TRIO: variants seen among roughly 807,000 people sequenced by gnomAD.
TRIO encodes the protein trio Rho guanine nucleotide exchange factor, also known as triple functional domain protein.
TRIO carries 58 observed loss-of-function variants against 351.9 expected under a neutral mutation model. That is an observed-to-expected ratio of 0.16 (90% CI 0.13 to 0.21). The LOEUF is 0.21. Ranked by LOEUF, TRIO falls within the 10% of genes least tolerant of loss-of-function variation. The pLI, the probability that TRIO is intolerant of heterozygous loss-of-function variation, is 1.00. For missense variants in TRIO, 3,201 were observed against 4,027.8 expected (o/e 0.79, Z 5.56); for synonymous variants, 1,758 against 1,595.7 (o/e 1.10, Z -2.42).
At chr5:14,395,369 T>C (rs16903467) in intron 28 of TRIO, among the ~76,000 whole-genome samples, 5,281 of 152,332 alleles carry the variant, frequency 0.035, 328 homozygotes, top group African/African-American at 0.12. Flanking sequence ...CAAAGGCAGT[T>C]TACCTTTCAG....
At chr5:14,238,770 G>A (rs115255120) in intron 1 of TRIO, among the ~76,000 whole-genome samples, 2,128 of 152,288 alleles carry the variant, frequency 0.014, 34 homozygotes, top group African/African-American at 0.048. Flanking sequence ...GGTGGGGGGT[G>A]CAACTAAAAT....
rs1744428902 is a variant in TRIO at position 14,364,525 on chromosome 5, A to G, written c.2588-125A>G. On this transcript the variant is annotated intron_variant, in intron 14 of 56. Coordinates refer to ENST00000344204, the MANE Select transcript of TRIO (RefSeq NM_007118.4). The stretch of plus-strand genomic sequence containing the variant: ...TTTGCCCTCCTTGAACTTGCCCTTC[A>G]GCATAATGGCTTGGCCCCCAGCTGG... The G allele has an allele frequency of 2.5e-6, 3 of 1,200,018 alleles. No individual in the cohort carries two copies. In the South Asian group the frequency reaches 4.5e-5, roughly 18 times the overall value. The allele number at this position is 1,200,018 out of a possible 1,614,324, so 74.3% of individuals were successfully genotyped here.
rs1202647795 is a variant in TRIO at position 14,472,661 on chromosome 5, G to A, written c.5979+3G>A. 1.9e-6 allele frequency: 3 copies of A among 1,613,526 alleles called. No homozygotes were observed. The highest frequency in any genetic ancestry group is 4.5e-5 in the East Asian group (2 of 44,876). On this transcript the variant is annotated splice_donor_region_variant and intron_variant, in intron 39 of 56. Transcript: ENST00000344204. ...GGGACCTTGGCTATGTGGTTGAGGT[G>A]TGTATTGCCAGAAATTTAGTATCTT... is the stretch of plus-strand genomic sequence containing the variant.
chr5:14,480,035 C>A (rs764710444), intron 43 of TRIO, 24 bp downstream of exon 43: 6 of 1,609,596 alleles, frequency 3.7e-6, no homozygotes, highest in Non-Finnish European at 4.3e-6. Context: ...GGGACAAACT[C>A]TGGTGTCAGG....
chr5:14,368,061 C>T (rs970659381), intron 16 of TRIO, among the ~76,000 whole-genome samples: 1 of 152,214 alleles, frequency 6.6e-6, no homozygotes, highest in Non-Finnish European at 1.5e-5. Context: ...CTTGGCTCTA[C>T]GGCCTCACTG....
intron 1 of TRIO, among the ~76,000 whole-genome samples, chr5:14,165,189 T>C (rs1581257469): frequency 2.6e-5 from 4 of 152,354 alleles, no homozygotes; most frequent in Admixed American, 2.6e-4. Context: ...AGAATATTGC[T>C]TGATGCTAAG....
At chr5:14,507,764 G>C (rs1033286512) in intron 56 of TRIO, 116 bp from the exon 57 acceptor site, 118 of 1,323,438 alleles carry the variant, frequency 8.9e-5, no homozygotes, top group Non-Finnish European at 3.2e-5. Context: ...CACATGCATG[G>C]CTTGTCCTAG....
chr5:14,402,943 C>G (rs1451760414), intron 31 of TRIO, among the ~76,000 whole-genome samples: 1 of 150,026 alleles, frequency 6.7e-6, no homozygotes, highest in Non-Finnish European at 1.5e-5. Context: ...GTGGTGAGAG[C>G]GTAGATGGAG....
intron 33 of TRIO, among the ~76,000 whole-genome samples, chr5:14,415,364 C>G (rs958948654): frequency 6.6e-5 from 10 of 152,144 alleles, no homozygotes; most frequent in African/African-American, 2.2e-4. Context: ...CAGAACTCAT[C>G]GCAGAGCTTG....
intron 41 of TRIO, among the ~76,000 whole-genome samples, chr5:14,477,603 C>T (rs898924386): frequency 2.0e-5 from 3 of 152,150 alleles, no homozygotes; most frequent in African/African-American, 7.2e-5. Flanking sequence ...AGACACTATA[C>T]CAAAAACTTG....
intron 37 of TRIO, among the ~76,000 whole-genome samples, chr5:14,469,779 T>A (rs1408459163): frequency 1.3e-5 from 2 of 152,230 alleles, no homozygotes; most frequent in Non-Finnish European, 2.9e-5. Context: ...GGGGACTCCA[T>A]TGTTGCAGGT....
chr5:14,291,643 G>T (rs921328540), intron 5 of TRIO, among the ~76,000 whole-genome samples: 1 of 151,718 alleles, frequency 6.6e-6, no homozygotes, highest in Non-Finnish European at 1.5e-5. Context: ...ACGAAAATTA[G>T]CCGGGTGTGG....
chr5:14,244,908 C>G (rs1045457807), intron 1 of TRIO, among the ~76,000 whole-genome samples: 23 of 152,080 alleles, frequency 1.5e-4, no homozygotes, highest in African/African-American at 5.3e-4. Flanking sequence ...AGGGGGTGGG[C>G]TGCAAGGGCA....
chr5:14,416,485 G>T (rs1264470106), intron 33 of TRIO, among the ~76,000 whole-genome samples: 1 of 152,232 alleles, frequency 6.6e-6, no homozygotes, highest in East Asian at 1.9e-4. Context: ...GAGATGGGAA[G>T]ATTTTTAAAA....
intron 34 of TRIO, among the ~76,000 whole-genome samples, chr5:14,444,230 C>G (rs192003946): frequency 4.3e-4 from 65 of 152,210 alleles, no homozygotes; most frequent in Non-Finnish European, 6.5e-4. Context: ...TGAACCTATT[C>G]TGAAAGTATC....
intron 1 of TRIO, among the ~76,000 whole-genome samples, chr5:14,194,227 G>T (rs935838899): frequency 1.3e-5 from 2 of 152,160 alleles, no homozygotes; most frequent in African/African-American, 4.8e-5. Flanking sequence ...ACATTGATCG[G>T]ATTCATATTA....
Position 14,508,390 on chromosome 5 carries a change from T to C in TRIO, c.9262T>C (p.Phe3088Leu), listed in dbSNP as rs1157396902. ...DVRPIRSIKNFLQSRLLPRV is the reference protein window; with the variant it reads ...DVRPIRSIKNLLQSRLLPRV The stretch of plus-strand genomic sequence containing the variant: ...TCGACCTATCCGTAGCATTAAAAAC[T>C]TTCTGCAGAGCAGGCTTCTGCCTAG... The change falls in exon 57 of 57, where the codon TTT becomes CTT. Residue 3088 changes from phenylalanine to leucine, a missense_variant. Coordinates refer to ENST00000344204, the MANE Select transcript of TRIO (RefSeq NM_007118.4). The C allele has an allele frequency of 1.2e-6, 2 of 1,612,312 alleles. No individual in the cohort carries two copies. The highest frequency in any genetic ancestry group is 1.3e-5 in the African/African-American group (1 of 74,930).
At chr5:14,255,853 A>G (rs1581459361) in intron 1 of TRIO, among the ~76,000 whole-genome samples, 1 of 152,266 alleles carries the variant, frequency 6.6e-6, no homozygotes, top group East Asian at 1.9e-4. Context: ...AGGAATTTGG[A>G]GCATTTCTGA....
intron 36 of TRIO, 41 bp downstream of exon 36, chr5:14,462,966 C>T: frequency 6.6e-7 from 1 of 1,521,094 alleles, no homozygotes; most frequent in Admixed American, 2.2e-5. Flanking sequence ...GCCTGCCGTG[C>T]AGGGGCAGGG....
Sources: gnomAD v4.1 joint callset for allele counts (sites outside exome capture counted in the v4.1 genomes callset) on GRCh38, gnomAD v4.1.1 for gene constraint, MANE v1.5 for transcripts, NCBI Gene and HGNC (gene_info 2026-07-23, HGNC 2026-07-21) for gene names.